KLF8: variants seen among roughly 807,000 people sequenced by gnomAD.
KLF8 encodes Krueppel-like factor 8.
KLF8 carries 10 observed loss-of-function variants against 18.2 expected under a neutral mutation model. The ratio of observed to expected loss-of-function variants is 0.55; its 90% CI spans 0.34 to 0.93. KLF8 has a LOEUF of 0.93. Ranked by LOEUF, KLF8 falls within the 40% of genes least tolerant of loss-of-function variation. KLF8 has a pLI of 0.02. For missense variants in KLF8, 264 were observed against 277.9 expected, an observed-to-expected ratio of 0.95 and a Z score of 0.36; for synonymous variants, 109 against 97.3, an observed-to-expected ratio of 1.12 and a Z score of -0.71.
chrX:55,973,638 C>T, the KLF8 span, among the ~76,000 whole-genome samples: 1 of 111,928 alleles, frequency 8.9e-6, no homozygotes, highest in East Asian at 2.8e-4. Flanking sequence ...TCAAAACCAC[C>T]ATGTGATAAC....
At chrX:56,242,563 A>C (rs2066561229) in intron 1 of KLF8, among the ~76,000 whole-genome samples, 1 of 112,009 alleles carries the variant, frequency 8.9e-6, no homozygotes, top group African/African-American at 3.2e-5. Flanking sequence ...CAGACATAGA[A>C]AGGTCAAATG....
the KLF8 span, among the ~76,000 whole-genome samples, chrX:56,138,617 TC>T: frequency 1.8e-5 from 2 of 110,716 alleles, no homozygotes; most frequent in Non-Finnish European, 3.8e-5. Flanking sequence ...AAATTCAACA[TC>T]CCTTCATGTT....
At chrX:56,078,703 T>C in the KLF8 span, among the ~76,000 whole-genome samples, 2 of 111,934 alleles carry the variant, frequency 1.8e-5, no homozygotes, top group African/African-American at 6.5e-5. Flanking sequence ...ACTGGAATGA[T>C]TTCAGAAGGA....
chrX:55,979,159 A>G, the KLF8 span, among the ~76,000 whole-genome samples: 1 of 111,965 alleles, frequency 8.9e-6, no homozygotes, highest in East Asian at 2.8e-4. Flanking sequence ...TTCAGTTCTC[A>G]TGGTCAACCA....
the KLF8 span, among the ~76,000 whole-genome samples, chrX:55,983,265 A>G: frequency 9.0e-6 from 1 of 111,259 alleles, no homozygotes. Context: ...GCATATTTCT[A>G]AACTTATTAA....
chrX:56,094,466 A>C, the KLF8 span, among the ~76,000 whole-genome samples: 1 of 111,295 alleles, frequency 9.0e-6, no homozygotes, highest in Non-Finnish European at 1.9e-5. Flanking sequence ...ATAGGAGGCC[A>C]AAACTGGCAA....
At chrX:55,955,875 A>G in the KLF8 span, among the ~76,000 whole-genome samples, 2 of 111,543 alleles carry the variant, frequency 1.8e-5, no homozygotes, top group Non-Finnish European at 3.8e-5. Context: ...CAGTGTTTTT[A>G]TTTTATTCCA....
At chrX:56,170,469 A>T in the KLF8 span, among the ~76,000 whole-genome samples, 5 of 110,444 alleles carry the variant, frequency 4.5e-5, no homozygotes, top group Non-Finnish European at 9.4e-5. Context: ...GAATTCTGTC[A>T]GACAAATGTA....
the KLF8 span, among the ~76,000 whole-genome samples, chrX:55,926,125 A>G: frequency 2.7e-5 from 3 of 111,870 alleles, 1 homozygote; most frequent in Non-Finnish European, 5.6e-5. Flanking sequence ...CTCTGAGTAG[A>G]CAAGTTTGGA....
the KLF8 span, among the ~76,000 whole-genome samples, chrX:56,188,282 A>G: frequency 9.0e-6 from 1 of 110,866 alleles, no homozygotes; most frequent in Non-Finnish European, 1.9e-5. Context: ...TGCTTCAAAG[A>G]GAATAAAATA....
the KLF8 span, among the ~76,000 whole-genome samples, chrX:55,991,426 G>A: frequency 3.6e-5 from 4 of 111,969 alleles, no homozygotes; most frequent in African/African-American, 1.3e-4. Flanking sequence ...CTAGGAAAGG[G>A]AATTCCGTGA....
Position 56,270,381 on chromosome X carries a change from C to G in KLF8, c.898+60C>G, listed in dbSNP as rs768776369. 6.4e-6 allele frequency: 5 copies of G among 778,152 alleles called. No individual in the cohort carries two copies. The African/African-American group carries it at 2.8e-4, about 43-fold the overall frequency. The allele number at this position is 778,152 out of a possible 1,213,427, so 64.1% of individuals were successfully genotyped here. On this transcript the variant is annotated intron_variant, in intron 5 of 5. Transcript: ENST00000468660. Reference sequence around the variant, plus strand: ...ACACACACACACACACACACACACACGAGAGAGAGAGAGAGAGAGGGGCAG... The same window carrying G: ...ACACACACACACACACACACACACAGGAGAGAGAGAGAGAGAGAGGGGCAG...
At chrX:56,110,161 C>T in the KLF8 span, among the ~76,000 whole-genome samples, 1 of 111,794 alleles carries the variant, frequency 8.9e-6, no homozygotes, top group African/African-American at 3.3e-5. Flanking sequence ...ATATGTACCA[C>T]ATTTTCTTTA....
chrX:55,917,431 A>C, the KLF8 span, among the ~76,000 whole-genome samples: 1 of 112,226 alleles, frequency 8.9e-6, no homozygotes. Flanking sequence ...AATAGCAATA[A>C]TAATTAACAT....
the KLF8 span, among the ~76,000 whole-genome samples, chrX:56,134,577 A>G: frequency 9.0e-6 from 1 of 111,648 alleles, no homozygotes; most frequent in Admixed American, 9.6e-5. Flanking sequence ...CACTGGAAAA[A>G]CCATTCTAGA....
the KLF8 span, among the ~76,000 whole-genome samples, chrX:55,996,690 C>A: frequency 2.4e-4 from 27 of 111,729 alleles, no homozygotes; most frequent in African/African-American, 8.8e-4. Flanking sequence ...GTACCAGGCC[C>A]ACAGCTTTTT....
At chrX:56,073,399 C>A in the KLF8 span, among the ~76,000 whole-genome samples, 4 of 111,902 alleles carry the variant, frequency 3.6e-5, no homozygotes, top group Non-Finnish European at 7.5e-5. Context: ...ATCCATTTTT[C>A]TGCTGACAGA....
At chrX:56,140,431 A>G in the KLF8 span, among the ~76,000 whole-genome samples, 1 of 111,931 alleles carries the variant, frequency 8.9e-6, no homozygotes, top group African/African-American at 3.2e-5. Flanking sequence ...TAGCCATAAA[A>G]AGGAACAAGG....
chrX:56,182,313 A>G, the KLF8 span, among the ~76,000 whole-genome samples: 1 of 112,095 alleles, frequency 8.9e-6, no homozygotes, highest in African/African-American at 3.2e-5. Flanking sequence ...CAGCTCCATG[A>G]GGTCATTTAA....
Sources: gnomAD v4.1 joint callset for allele counts (sites outside exome capture counted in the v4.1 genomes callset) on GRCh38, gnomAD v4.1.1 for gene constraint, MANE v1.5 for transcripts, NCBI Gene and HGNC (gene_info 2026-07-23, HGNC 2026-07-21) for gene names.